The following SPNS2 variants were observed in gnomAD, a reference collection of about 807,000 sequenced individuals.
The protein encoded by SPNS2 is sphingosine-1-phosphate transporter SPNS2.
SPNS2 carries 37 observed loss-of-function variants against 57.6 expected under a neutral mutation model. The observed-to-expected ratio is 0.64, with a 90% CI of 0.49 to 0.85. The LOEUF (loss-of-function observed/expected upper bound fraction) is 0.85, where lower values mean the gene tolerates loss of function less well. Ranked by LOEUF, SPNS2 falls within the 40% of genes least tolerant of loss-of-function variation. SPNS2 has a pLI of 0.00. For missense variants in SPNS2, 831 were observed against 779.1 expected, an observed-to-expected ratio of 1.07 and a Z score of -0.79; for synonymous variants, 440 against 346.9, an observed-to-expected ratio of 1.27 and a Z score of -2.98.
rs750606297 is a variant in SPNS2 at position 4,499,336 on chromosome 17, T to C, written c.289T>C (p.Leu97=). The change falls in exon 1 of 13, where the codon TTG becomes CTG. Residue 97 remains leucine, a synonymous_variant. Coordinates refer to ENST00000329078, the MANE Select transcript of SPNS2 (RefSeq NM_001124758.3). This position sits in a 1 kb window ranked among gnomAD's most constrained non-coding sequence, Gnocchi z 5.2. ...CGCTCAGCAGCCCAAACCGGCCAGC[T>C]TGGGCCGCGGGCGGGGGGCAGCCGC... is the stretch of plus-strand genomic sequence containing the variant. ...PGAQQPKPAS[L]GRGRGAAAAI... is the part of the protein sequence containing the mutation. The C allele has an allele frequency of 2.7e-6, 4 of 1,470,348 alleles. No homozygotes were observed. Among genetic ancestry groups the C allele is most frequent in the South Asian group, 2.6e-5 (2 of 77,420 alleles). 91.1% of individuals were successfully genotyped at this position (1,470,348 alleles called of 1,614,324 possible). A position where few individuals can be genotyped will look rare whatever the true frequency, so the allele number is the denominator to read the frequency against.
At chr17:4,533,540 A>G in intron 8 of SPNS2, 108 bp downstream of exon 8, 2 of 1,267,152 alleles carry the variant, frequency 1.6e-6, no homozygotes, top group Non-Finnish European at 2.1e-6. Context: ...TCCCTCGGGG[A>G]GGCTCCTATT....
chr17:4,536,383 A>C lies in SPNS2; in HGVS notation c.1564A>C (p.Thr522Pro), dbSNP rs769082493. ...CCTGGGCGGCATGTTCTTCCTCGCC[A>C]CTGCGCTCTTCTTCGTCAGCGACCG... The part of the protein sequence containing the change: ...VVLGGMFFLA[T>P]ALFFVSDRAR... Residue 522 changes from threonine to proline, a missense_variant, in exon 11 of 13, where the codon ACT becomes CCT. Thr to Pro is a conservative substitution (Grantham distance 38, BLOSUM62 -1). Coordinates refer to ENST00000329078, the MANE Select transcript of SPNS2 (RefSeq NM_001124758.3). 3 of 1,607,614 alleles carry C rather than the reference A, an allele frequency of 1.9e-6. No homozygotes were observed. The South Asian group carries it at 3.3e-5, about 18-fold the overall frequency.
At position 4,532,664 on chromosome 17, in the gene SPNS2, T is replaced by A; in HGVS notation, c.915T>A (p.Asp305Glu). The A allele has an allele frequency of 1.2e-6, 2 of 1,613,846 alleles. No homozygotes were observed. Among genetic ancestry groups the A allele is most frequent in the Non-Finnish European group, 1.7e-6 (2 of 1,179,972 alleles). ...QLKARTSWLR[D>E]MKALIRNRSY... ...AGGCCCGGACCTCATGGCTCCGAGATATGAAGGCCCTGATTCGAAAGTGAG... is the reference window on the plus strand; with the variant it reads ...AGGCCCGGACCTCATGGCTCCGAGAAATGAAGGCCCTGATTCGAAAGTGAG... Residue 305 changes from aspartate to glutamate, a missense_variant, in exon 6 of 13, where the codon GAT (aspartate) becomes GAA (glutamate). By Grantham distance (45) the Asp-to-Glu change is conservative. This residue lies in a region of SPNS2 where 526 missense variants were observed against 400.9 expected (regional missense o/e 1.31). Coordinates refer to ENST00000329078, the MANE Select transcript of SPNS2 (RefSeq NM_001124758.3).
At chr17:4,529,404 C>T (rs1265328857) in intron 3 of SPNS2, among the ~76,000 whole-genome samples, 1 of 152,002 alleles carries the variant, frequency 6.6e-6, no homozygotes, top group Non-Finnish European at 1.5e-5. Context: ...TAAAAGCACA[C>T]AGGGGGCCGG....
chr17:4,504,236 G>C (rs1442838751), intron 1 of SPNS2, among the ~76,000 whole-genome samples: 1 of 152,232 alleles, frequency 6.6e-6, no homozygotes, highest in Non-Finnish European at 1.5e-5. Flanking sequence ...GCTGAGGTGT[G>C]AGGGGCAGGG....
intron 1 of SPNS2, among the ~76,000 whole-genome samples, chr17:4,501,871 G>A (rs1904522553): frequency 6.6e-6 from 1 of 152,090 alleles, no homozygotes; most frequent in African/African-American, 2.4e-5. Flanking sequence ...ATGGAAGGGA[G>A]GTCCCACTCT....
chr17:4,529,067 C>A (rs542594785), intron 3 of SPNS2, among the ~76,000 whole-genome samples: 2 of 152,034 alleles, frequency 1.3e-5, no homozygotes, highest in East Asian at 3.9e-4. Flanking sequence ...TCTCCAGTAG[C>A]TGGGATCACA....
chr17:4,530,827 G>A (rs1305796955), intron 4 of SPNS2, 44 bp downstream of exon 4: 5 of 1,590,604 alleles, frequency 3.1e-6, no homozygotes, highest in South Asian at 1.1e-5. Flanking sequence ...ATCTGGGCAA[G>A]GTTCCCTTGG....
At chr17:4,534,724 T>G (rs941053256) in intron 9 of SPNS2, among the ~76,000 whole-genome samples, 1 of 151,864 alleles carries the variant, frequency 6.6e-6, no homozygotes, top group Non-Finnish European at 1.5e-5. Flanking sequence ...GCTGCGGTGG[T>G]GGTGGGGAGG....
rs563211088 is a variant in SPNS2 at position 4,498,919 on chromosome 17, G to C, written c.-129G>C. 4.8e-3 allele frequency: 2,019 copies of C among 423,054 alleles called. 35 individuals carry two copies. Among genetic ancestry groups the C allele is most frequent in the African/African-American group, 0.041 (1,897 of 46,162 alleles). 26.2% of individuals were successfully genotyped at this position (423,054 alleles called of 1,614,324 possible). Reference sequence around the variant, plus strand: ...CGGTGGCAGCGCCGCAGCCGGGGCCGGAGCGCAGGAGCCGACGGGGCCCGA... The same window carrying C: ...CGGTGGCAGCGCCGCAGCCGGGGCCCGAGCGCAGGAGCCGACGGGGCCCGA... On this transcript the variant is annotated 5_prime_UTR_variant, in exon 1 of 13. Coordinates refer to ENST00000329078, the MANE Select transcript of SPNS2 (RefSeq NM_001124758.3).
chr17:4,515,740 G>A (rs1038108004), intron 2 of SPNS2, among the ~76,000 whole-genome samples: 5 of 152,246 alleles, frequency 3.3e-5, no homozygotes, highest in African/African-American at 9.6e-5. Context: ...GCCAGGTGTT[G>A]GTGCTTGCCC....
intron 2 of SPNS2, among the ~76,000 whole-genome samples, chr17:4,522,038 A>C (rs9897814): frequency 0.02 from 3,069 of 152,294 alleles, 80 homozygotes; most frequent in African/African-American, 0.061. Flanking sequence ...GTCTCTACTA[A>C]ACATTCAAAA....
At chr17:4,500,846 G>A (rs747678) in intron 1 of SPNS2, among the ~76,000 whole-genome samples, 132,524 of 151,232 alleles carry the variant, frequency 0.88, 59,328 homozygotes, top group Non-Finnish European at 0.95. Flanking sequence ...CTGTCCTTCC[G>A]CTGGAGGAAA....
intron 11 of SPNS2, 111 bp downstream of exon 11, chr17:4,536,537 A>T (rs1905821413): frequency 3.9e-6 from 5 of 1,298,378 alleles, no homozygotes; most frequent in East Asian, 4.9e-5. Context: ...CCTCCCATGC[A>T]CTCAGTGCAC....
At chr17:4,523,702 A>G (rs1441138385) in intron 2 of SPNS2, among the ~76,000 whole-genome samples, 15 of 152,218 alleles carry the variant, frequency 9.9e-5, no homozygotes, top group Non-Finnish European at 2.9e-5. Context: ...AGATTGCACC[A>G]TTGCACTCTA....
chr17:4,522,458 G>T (rs565111276), intron 2 of SPNS2, among the ~76,000 whole-genome samples: 5 of 152,222 alleles, frequency 3.3e-5, no homozygotes, highest in African/African-American at 1.2e-4. Context: ...CCACCCACGC[G>T]CACTCACTGG....
In SPNS2 at chr17:4,510,993, A is replaced by G. The variant is rs1259956685; in HGVS notation, c.371-2254A>G. On this transcript the variant is annotated intron_variant, in intron 1 of 12. Transcript: ENST00000329078. This position sits in a 1 kb window ranked among gnomAD's most constrained non-coding sequence, Gnocchi z 4.4. ...TCTCAGAGCCTCGGTTTCTTCCTATATAAAATGGGATGAGAATCATAAATA... is the reference window on the plus strand; with the variant it reads ...TCTCAGAGCCTCGGTTTCTTCCTATGTAAAATGGGATGAGAATCATAAATA... Among the ~76,000 whole-genome samples, 2 of 152,262 alleles carry G rather than the reference A, an allele frequency of 1.3e-5. No individual in the cohort carries two copies. The highest frequency in any genetic ancestry group is 2.4e-5 in the African/African-American group (1 of 41,476).
At chr17:4,516,757 A>G (rs899444) in intron 2 of SPNS2, among the ~76,000 whole-genome samples, 111,929 of 152,138 alleles carry the variant, frequency 0.74, 42,301 homozygotes, top group East Asian at 0.98. Context: ...TTGAAATTAC[A>G]AAGCTGAGCT....
rs565376244 is a variant in SPNS2 at position 4,512,631 on chromosome 17, A to T, written c.371-616A>T. On this transcript the variant is annotated intron_variant, in intron 1 of 12. Coordinates refer to ENST00000329078, the MANE Select transcript of SPNS2 (RefSeq NM_001124758.3). The surrounding 1 kb of genome is among the most constrained non-coding windows in gnomAD (Gnocchi z 5.2). The stretch of plus-strand genomic sequence containing the variant: ...TAATCCTGAGGGCAGCTGGGGTGAC[A>T]GTGTGTGTGTGTGCGTGCGCGCGCA... Among the ~76,000 whole-genome samples, 1 of 149,932 alleles carries T rather than the reference A, an allele frequency of 6.7e-6. No individual in the cohort carries two copies. Among genetic ancestry groups the T allele is most frequent in the African/African-American group, 2.5e-5 (1 of 39,872 alleles).
Sources: allele counts gnomAD v4.1 joint callset (sites outside exome capture counted in the v4.1 genomes callset), GRCh38; gene constraint gnomAD v4.1.1; regional missense constraint gnomAD v4.1.1; non-coding constraint Gnocchi (gnomAD v3.1); transcripts MANE v1.5; gene names NCBI Gene and HGNC (gene_info 2026-07-23, HGNC 2026-07-21).